Variants in WWTR1 observed in about 807,000 individuals in gnomAD.
WWTR1 encodes WW domain containing transcription regulator 1, also known as WW domain-containing transcription regulator protein 1.
In WWTR1, 13 loss-of-function variants were observed where a neutral mutation model predicts 40.1. That is an observed-to-expected ratio of 0.32 (90% confidence interval 0.21 to 0.52). The LOEUF (loss-of-function observed/expected upper bound fraction) is 0.52. Ranked by LOEUF, WWTR1 falls within the 20% of genes least tolerant of loss-of-function variation. The pLI, the probability that WWTR1 is intolerant of heterozygous loss-of-function variation, is 0.97. For missense variants in WWTR1, 436 were observed against 523.1 expected (o/e 0.83, Z 1.63); for synonymous variants, 230 against 210.1 (o/e 1.09, Z -0.82).
intron 3 of WWTR1, among the ~76,000 whole-genome samples, chr3:149,554,121 C>T (rs1249919506): frequency 3.9e-5 from 6 of 152,108 alleles, no homozygotes; most frequent in Admixed American, 3.3e-4. Flanking sequence ...AGTATTAAAC[C>T]GAGAAGTTGT....
chr3:149,696,781 A>C (rs1010013368), intron 1 of WWTR1, among the ~76,000 whole-genome samples: 2 of 152,124 alleles, frequency 1.3e-5, no homozygotes, highest in Non-Finnish European at 2.9e-5. Context: ...TTAGAATGTG[A>C]TCACATCACT....
At chr3:149,570,192 A>G (rs1737550053) in intron 3 of WWTR1, among the ~76,000 whole-genome samples, 1 of 152,222 alleles carries the variant, frequency 6.6e-6, no homozygotes, top group Non-Finnish European at 1.5e-5. Flanking sequence ...TAAGCTAGAA[A>G]CACACTTTGC....
chr3:149,628,201 C>A (rs1576607703), intron 2 of WWTR1, among the ~76,000 whole-genome samples: 1 of 151,540 alleles, frequency 6.6e-6, no homozygotes, highest in Non-Finnish European at 1.5e-5. Context: ...AAACCCCGTC[C>A]CTATTAAAAA....
rs534265042 is a variant in WWTR1, at chr3:149,624,112, C to G, written c.431+32764G>C. 3.3e-5 allele frequency among the ~76,000 whole-genome samples: 5 copies of G among 152,310 alleles called. No individual in the cohort carries two copies. The South Asian group carries it at 1.0e-3, about 32-fold the overall frequency. On this transcript the variant is annotated intron_variant, in intron 2 of 6. Transcript: ENST00000360632. ...AACTAAATCTTTCTCCATTCTAACT[C>G]TGTGATTCCTGAATGATGAACAATC...
chr3:149,634,300 T>A (rs1001899502), intron 2 of WWTR1, among the ~76,000 whole-genome samples: 9 of 152,192 alleles, frequency 5.9e-5, no homozygotes, highest in Admixed American at 1.3e-4. Flanking sequence ...CTGTCAGAGT[T>A]CTTGGCATAA....
chr3:149,663,344 GA>G (rs75218284), intron 2 of WWTR1, among the ~76,000 whole-genome samples: 94,022 of 151,678 alleles, frequency 0.62, 29,176 homozygotes, highest in Admixed American at 0.68. Context: ...ATTCGCCTCA[GA>G]AATCTCTTGC....
At chr3:149,628,002 G>A (rs979211658) in intron 2 of WWTR1, among the ~76,000 whole-genome samples, 13 of 151,890 alleles carry the variant, frequency 8.6e-5, no homozygotes, top group African/African-American at 3.1e-4. Flanking sequence ...GAACCTGGGA[G>A]GTGGGGGTTG....
chr3:149,662,788 C>T (rs1713641489), upstream of WWTR1, among the ~76,000 whole-genome samples: 4 of 152,284 alleles, frequency 2.6e-5, no homozygotes, highest in South Asian at 8.3e-4. Context: ...AGCTTTCTGA[C>T]CCTGGTTCTT....
intron 2 of WWTR1, among the ~76,000 whole-genome samples, chr3:149,589,131 C>CA (rs1738581106): frequency 6.6e-6 from 1 of 152,190 alleles, no homozygotes; most frequent in African/African-American, 2.4e-5. Flanking sequence ...ATGTCCTGTA[C>CA]TTCACAGGAC....
intron 4 of WWTR1, among the ~76,000 whole-genome samples, chr3:149,722,709 C>T (rs540407435): frequency 7.9e-5 from 12 of 151,852 alleles, no homozygotes; most frequent in Admixed American, 2.0e-4. Context: ...GCTCTGTTCA[C>T]GTTCCTCCAG....
At chr3:149,535,790 A>G (rs913809926) in intron 4 of WWTR1, among the ~76,000 whole-genome samples, 1 of 152,080 alleles carries the variant, frequency 6.6e-6, no homozygotes, top group African/African-American at 2.4e-5. Flanking sequence ...GGGTGGGCAG[A>G]TCACTTGAGG....
At chr3:149,656,766 C>T (rs868789469) in intron 2 of WWTR1, 110 bp downstream of exon 2, 4 of 405,298 alleles carry the variant, frequency 9.9e-6, no homozygotes, top group Non-Finnish European at 1.4e-5. Flanking sequence ...CTCTCTCTTT[C>T]TCTCTCTCTC....
chr3:149,524,926 T>G (rs925705086), intron 6 of WWTR1, among the ~76,000 whole-genome samples: 1 of 152,248 alleles, frequency 6.6e-6, no homozygotes, highest in African/African-American at 2.4e-5. Flanking sequence ...GTGGACACCC[T>G]GGCTGTCATT....
intron 3 of WWTR1, among the ~76,000 whole-genome samples, chr3:149,556,385 C>T (rs1244107899): frequency 6.6e-6 from 1 of 152,162 alleles, no homozygotes; most frequent in Non-Finnish European, 1.5e-5. Context: ...TCCAGACCAG[C>T]CTTGCCAACA....
At chr3:149,724,647 C>T (rs1035375014) in intron 3 of WWTR1, 2 of 152,120 alleles carry the variant, frequency 1.3e-5, no homozygotes, top group African/African-American at 4.8e-5. Context: ...CTTCCAAAGA[C>T]CCTATGTTAA....
At chr3:149,692,039 A>G (rs1470904402) in intron 1 of WWTR1, among the ~76,000 whole-genome samples, 1 of 152,114 alleles carries the variant, frequency 6.6e-6, no homozygotes, top group Non-Finnish European at 1.5e-5. Flanking sequence ...ATTTAAAAAG[A>G]AAAGCTAATA....
chr3:149,522,511 A>C (rs1735100707), intron 6 of WWTR1, among the ~76,000 whole-genome samples: 1 of 152,226 alleles, frequency 6.6e-6, no homozygotes. Flanking sequence ...ACTGATATTG[A>C]AAAATAACGT....
chr3:149,597,689 A>T lies in WWTR1; in HGVS notation c.432-24689T>A, dbSNP rs192562377. Among the ~76,000 whole-genome samples, 233 of 152,308 alleles carry T rather than the reference A, an allele frequency of 1.5e-3. 1 individual carries two copies. The highest frequency in any genetic ancestry group is 4.8e-3 in the African/African-American group (201 of 41,568). ...TGAAGATAGACTCATTAACATCAGC[A>T]TAAGCATTCTGAAGCTAAGTTTAAA... is the stretch of plus-strand genomic sequence containing the variant. On this transcript the variant is annotated intron_variant, in intron 2 of 6. Coordinates refer to ENST00000360632, the MANE Select transcript of WWTR1 (RefSeq NM_015472.6).
At chr3:149,645,417 C>T (rs992019549) in intron 2 of WWTR1, among the ~76,000 whole-genome samples, 45 of 152,270 alleles carry the variant, frequency 3.0e-4, no homozygotes, top group Admixed American at 5.2e-4. Context: ...AGTGATCCAC[C>T]TGCCTTGGCC....
Sources: allele counts gnomAD v4.1 joint callset (sites outside exome capture counted in the v4.1 genomes callset), GRCh38; gene constraint gnomAD v4.1.1; transcripts MANE v1.5; gene names NCBI Gene and HGNC (gene_info 2026-07-23, HGNC 2026-07-21).